PRKAR1B: variants seen among roughly 807,000 people sequenced by gnomAD.
PRKAR1B encodes the protein cAMP-dependent protein kinase type I-beta regulatory subunit.
In PRKAR1B, 22 loss-of-function variants were observed where a neutral mutation model predicts 46.5. The ratio of observed to expected loss-of-function variants is 0.47; its 90% CI spans 0.34 to 0.68. The LOEUF is 0.68. Ranked by LOEUF, PRKAR1B falls within the 30% of genes least tolerant of loss-of-function variation. The pLI, the probability that PRKAR1B is intolerant of heterozygous loss-of-function variation, is 0.01. For synonymous variants in PRKAR1B, 259 were observed against 217.7 expected (o/e 1.19, Z -1.67); for missense variants, 445 against 535.6 (o/e 0.83, Z 1.67).
intron 6 of PRKAR1B, among the ~76,000 whole-genome samples, chr7:604,940 C>T (rs1011510632): frequency 5.9e-5 from 9 of 152,256 alleles, no homozygotes; most frequent in South Asian, 2.1e-4. Flanking sequence ...GTGACCGTCT[C>T]GGGTAGCAGA....
chr7:631,970 G>C (rs1411022344), intron 4 of PRKAR1B, among the ~76,000 whole-genome samples: 3 of 150,754 alleles, frequency 2.0e-5, no homozygotes, highest in Non-Finnish European at 4.4e-5. Flanking sequence ...AAAAAAAGCA[G>C]CGGGAGGAGA....
At chr7:665,710 A>G (rs1230661786) in intron 4 of PRKAR1B, among the ~76,000 whole-genome samples, 1 of 152,242 alleles carries the variant, frequency 6.6e-6, no homozygotes, top group East Asian at 1.9e-4. Flanking sequence ...GGAAGCAGAA[A>G]GTCCCAAAGC....
intron 2 of PRKAR1B, among the ~76,000 whole-genome samples, chr7:693,542 C>A (rs760689303): frequency 6.6e-6 from 1 of 152,152 alleles, no homozygotes; most frequent in Non-Finnish European, 1.5e-5. Flanking sequence ...ACTGGCATTA[C>A]GTGTCCCAGG....
In PRKAR1B at chr7:724,204, G is replaced by A. The variant is rs116386020; in HGVS notation, c.-23+3006C>T. 2.0e-3 allele frequency among the ~76,000 whole-genome samples: 299 copies of A among 152,056 alleles called. 1 individual carries two copies. The highest frequency in any genetic ancestry group is 6.8e-3 in the African/African-American group (280 of 41,464). On this transcript the variant is annotated intron_variant, in intron 1 of 10. Coordinates refer to ENST00000537384, the MANE Select transcript of PRKAR1B (RefSeq NM_001164760.2). ...ATTTCCTCTCTCTCCAACACTCCCC[G>A]TCTCCCACCTCCGCCCTTTCACCTG... is the stretch of plus-strand genomic sequence containing the variant.
rs1481605173 is a variant in PRKAR1B, at chr7:666,468, G to C, written c.440+10761C>G. Among the ~76,000 whole-genome samples, 1 of 152,176 alleles carries C rather than the reference G, an allele frequency of 6.6e-6. No individual in the cohort carries two copies. The highest frequency in any genetic ancestry group is 1.5e-5 in the Non-Finnish European group (1 of 68,022). Reference sequence around the variant, plus strand: ...TCCAATAGCTGACACAAGGTGAGAAGGCTGCACCTACCACCACCCTGGGGC... The same window carrying C: ...TCCAATAGCTGACACAAGGTGAGAACGCTGCACCTACCACCACCCTGGGGC... On this transcript the variant is annotated intron_variant, in intron 4 of 10. Coordinates refer to ENST00000537384, the MANE Select transcript of PRKAR1B (RefSeq NM_001164760.2). This position sits in a 1 kb window ranked among gnomAD's most constrained non-coding sequence, Gnocchi z 4.9.
intron 9 of PRKAR1B, among the ~76,000 whole-genome samples, chr7:574,895 C>A (rs1395042116): frequency 6.6e-6 from 1 of 152,218 alleles, no homozygotes; most frequent in Non-Finnish European, 1.5e-5. Flanking sequence ...GTTGTAAAAC[C>A]TAGAGCAACT....
At chr7:649,979 AT>A (rs762320346) in intron 4 of PRKAR1B, among the ~76,000 whole-genome samples, 8,254 of 135,194 alleles carry the variant, frequency 0.061, 228 homozygotes, top group Middle Eastern at 0.074. Flanking sequence ...GGCCCAGCTA[AT>A]TTTTTTTTTT....
chr7:573,411 G>GGCCCCTCCCCACAT (rs1300509016), intron 9 of PRKAR1B, among the ~76,000 whole-genome samples: 2 of 151,920 alleles, frequency 1.3e-5, no homozygotes, highest in Admixed American at 1.3e-4. Context: ...GACACCAGCA[G>GGCCCCTCCCCACAT]GCCCCTCCCC....
intron 6 of PRKAR1B, among the ~76,000 whole-genome samples, chr7:597,125 C>A (rs150915912): frequency 6.6e-6 from 1 of 152,254 alleles, no homozygotes; most frequent in Non-Finnish European, 1.5e-5. Flanking sequence ...ACACAATACA[C>A]GCTTTATCCC....
chr7:640,230 T>G (rs982875198), intron 4 of PRKAR1B, among the ~76,000 whole-genome samples: 1 of 151,858 alleles, frequency 6.6e-6, no homozygotes, highest in African/African-American at 2.4e-5. Flanking sequence ...AAAACACCAT[T>G]AAGAAAATGA....
At position 596,293 on chromosome 7, in the gene PRKAR1B, G is replaced by A. The variant is rs112130940; in HGVS notation, c.561C>T (p.Asn187=). 10 of 1,612,674 alleles carry A rather than the reference G, an allele frequency of 6.2e-6. 1 individual carries two copies. Among genetic ancestry groups the A allele is most frequent in the African/African-American group, 4.0e-5 (3 of 75,054 alleles). The change falls in exon 7 of 11, where the codon AAC becomes AAT. Residue 187 remains asparagine, a synonymous_variant. Transcript: ENST00000537384. ...CGCTGATGTTGGTCACCCACTCTCC[G>A]TTCACGTACACCTTTGGGGAGCAAG... ...VDQGEVDVYV[N]GEWVTNISEG... is the part of the protein sequence containing the mutation.
intron 8 of PRKAR1B, among the ~76,000 whole-genome samples, chr7:582,419 C>T (rs562705288): frequency 4.3e-4 from 66 of 152,388 alleles, no homozygotes; most frequent in African/African-American, 1.5e-3. Flanking sequence ...GACACCGCCC[C>T]GCCAGCCACT....
rs564601510 is a variant in PRKAR1B at position 593,249 on chromosome 7, C to T, written c.708+2897G>A. ...CTGGAGTCAGCGTTCACATTTTGGGCGGTGGTCTACTTCCTGGAGACACCA... is the reference window on the plus strand; with the variant it reads ...CTGGAGTCAGCGTTCACATTTTGGGTGGTGGTCTACTTCCTGGAGACACCA... On this transcript the variant is annotated intron_variant, in intron 7 of 10. Coordinates refer to ENST00000537384, the MANE Select transcript of PRKAR1B (RefSeq NM_001164760.2). This position sits in a 1 kb window ranked among gnomAD's most constrained non-coding sequence, Gnocchi z 6.1. Among the ~76,000 whole-genome samples the T allele has an allele frequency of 7.2e-5, 11 of 152,116 alleles. No individual in the cohort carries two copies. In the East Asian group the frequency reaches 1.2e-3, roughly 16 times the overall value.
intron 9 of PRKAR1B, among the ~76,000 whole-genome samples, chr7:559,532 G>A (rs1230222298): frequency 2.0e-5 from 3 of 152,198 alleles, no homozygotes; most frequent in Admixed American, 6.5e-5. Context: ...ATCTGGGGCC[G>A]ACGCCAGGGA....
chr7:703,882 T>C (rs528705713), intron 2 of PRKAR1B, among the ~76,000 whole-genome samples: 3 of 152,148 alleles, frequency 2.0e-5, no homozygotes, highest in African/African-American at 7.2e-5. Context: ...CTGACCATAA[T>C]GAAATTAAAC....
chr7:728,034 C>G, upstream of PRKAR1B, among the ~76,000 whole-genome samples: 1 of 152,084 alleles, frequency 6.6e-6, no homozygotes, highest in Non-Finnish European at 1.5e-5. Flanking sequence ...ATTCATCCTA[C>G]TCCCCTGCCT....
chr7:583,694 AC>A (rs1372671317), intron 8 of PRKAR1B, among the ~76,000 whole-genome samples: 53 of 116,532 alleles, frequency 4.5e-4, no homozygotes, highest in Non-Finnish European at 8.0e-4. Flanking sequence ...CGGTGCACTC[AC>A]ACCCTCACAC....
chr7:678,103 T>C (rs2128506044), intron 3 of PRKAR1B, among the ~76,000 whole-genome samples: 1 of 152,252 alleles, frequency 6.6e-6, no homozygotes, highest in South Asian at 2.1e-4. Context: ...AAACCCCATC[T>C]CTACTAAAAA....
At chr7:712,806 C>T (rs1356640393) in intron 1 of PRKAR1B, 1 of 151,266 alleles carries the variant, frequency 6.6e-6, no homozygotes, top group African/African-American at 2.4e-5. Context: ...ACCCCCCACT[C>T]CCGCCCCGTT....
Sources: gnomAD v4.1 joint callset for allele counts (sites outside exome capture counted in the v4.1 genomes callset) on GRCh38, gnomAD v4.1.1 for gene constraint, Gnocchi (gnomAD v3.1) non-coding constraint, MANE v1.5 for transcripts, NCBI Gene and HGNC (gene_info 2026-07-23, HGNC 2026-07-21) for gene names.